Variants in ZMYND8 observed in about 807,000 individuals in gnomAD.
The protein encoded by ZMYND8 is MYND-type zinc finger-containing chromatin reader ZMYND8.
In ZMYND8, 37 loss-of-function variants were observed where a neutral mutation model predicts 140.8. The observed-to-expected ratio is 0.26, with a 90% CI of 0.20 to 0.35. The LOEUF is 0.35. Ranked by LOEUF, ZMYND8 falls within the 10% of genes least tolerant of loss-of-function variation. The pLI, the probability that ZMYND8 is intolerant of heterozygous loss-of-function variation, is 1.00. For missense variants in ZMYND8, 1,068 were observed against 1,570.0 expected, an observed-to-expected ratio of 0.68 and a Z score of 5.40; for synonymous variants, 592 against 597.1, an observed-to-expected ratio of 0.99 and a Z score of 0.12.
At chr20:47,354,838 C>G in intron 1 of ZMYND8, among the ~76,000 whole-genome samples, 1 of 152,094 alleles carries the variant, frequency 6.6e-6, no homozygotes, top group East Asian at 1.9e-4. Flanking sequence ...CTAGCTGCAG[C>G]CTTAAGTGGT....
intron 10 of ZMYND8, 81 bp downstream of exon 10, chr20:47,282,021 G>A (rs1011137864): frequency 1.8e-6 from 2 of 1,106,730 alleles, no homozygotes; most frequent in Non-Finnish European, 2.6e-6. Flanking sequence ...AATAGCTGCA[G>A]CCTCCACTTC....
chr20:47,345,375 G>A (rs2082251411), intron 2 of ZMYND8, among the ~76,000 whole-genome samples: 1 of 152,076 alleles, frequency 6.6e-6, no homozygotes, highest in Non-Finnish European at 1.5e-5. Context: ...AAGGTGAACA[G>A]AACATCACAA....
chr20:47,291,505 A>G (rs2077263575), intron 6 of ZMYND8, among the ~76,000 whole-genome samples: 1 of 152,210 alleles, frequency 6.6e-6, no homozygotes, highest in Non-Finnish European at 1.5e-5. Flanking sequence ...GCTCAAGTCA[A>G]TCAAATCACT....
At chr20:47,318,893 C>G (rs1455474199) in intron 2 of ZMYND8, 1 of 1,271,294 alleles carries the variant, frequency 7.9e-7, no homozygotes, top group African/African-American at 1.5e-5. Context: ...CCAGGAACAT[C>G]AAGTACCTCG....
At chr20:47,224,269 G>T (rs373439683) in intron 19 of ZMYND8, 48 bp downstream of exon 19, 23 of 1,608,578 alleles carry the variant, frequency 1.4e-5, no homozygotes, top group Admixed American at 3.3e-5. Context: ...GGAGACCAAT[G>T]CCAAGCCACT....
intron 11 of ZMYND8, among the ~76,000 whole-genome samples, chr20:47,270,395 T>TG (rs1383849098): frequency 6.9e-6 from 1 of 145,904 alleles, no homozygotes; most frequent in Non-Finnish European, 1.5e-5. Context: ...AAAAAAAAGT[T>TG]TTTTTAATGT....
chr20:47,349,591 T>C (rs1569257746), intron 1 of ZMYND8, among the ~76,000 whole-genome samples: 1 of 152,184 alleles, frequency 6.6e-6, no homozygotes, highest in Non-Finnish European at 1.5e-5. Flanking sequence ...GGTTCTGGCT[T>C]GGGGTGACTG....
intron 2 of ZMYND8, among the ~76,000 whole-genome samples, chr20:47,317,321 A>T (rs577035320): frequency 8.5e-4 from 130 of 152,268 alleles, no homozygotes; most frequent in African/African-American, 2.9e-3. Context: ...TGGGGGCTCC[A>T]GGGCCAACTC....
chr20:47,284,990 A>G (rs1312048140), intron 8 of ZMYND8, among the ~76,000 whole-genome samples: 1 of 152,230 alleles, frequency 6.6e-6, no homozygotes, highest in Non-Finnish European at 1.5e-5. Context: ...AGAGTAATCA[A>G]TATTGCCCAT....
rs768827440 is a variant in ZMYND8, at chr20:47,339,224, G to A, written c.85+8632C>T. ...CCTGACCTTGTGATCCGCCCGCCTC[G>A]GCCTCCCAAAGTGCTGGGATTACAG... is the stretch of plus-strand genomic sequence containing the variant. On this transcript the variant is annotated intron_variant, in intron 2 of 22. Coordinates refer to ENST00000471951, the MANE Select transcript of ZMYND8 (RefSeq NM_001281775.3). Among the ~76,000 whole-genome samples the A allele has an allele frequency of 5.9e-5, 9 of 151,686 alleles. No individual in the cohort carries two copies. In the East Asian group the frequency reaches 9.8e-4, roughly 16 times the overall value.
Position 47,240,952 on chromosome 20 carries a change from G to T in ZMYND8, c.2285-1814C>A, listed in dbSNP as rs916336499. Among the ~76,000 whole-genome samples, 5 of 152,130 alleles carry T rather than the reference G, an allele frequency of 3.3e-5. No homozygotes were observed. The Middle Eastern group carries it at 9.5e-3, about 289-fold the overall frequency. The stretch of plus-strand genomic sequence containing the variant: ...CCTCCCGAATAGCTGGGACTACACG[G>T]GACGTGCTACTGTGTCCCGCTTTAA... On this transcript the variant is annotated intron_variant, in intron 14 of 22. Coordinates refer to ENST00000471951, the MANE Select transcript of ZMYND8 (RefSeq NM_001281775.3).
At chr20:47,255,273 G>A (rs2074506902) in intron 12 of ZMYND8, among the ~76,000 whole-genome samples, 1 of 152,108 alleles carries the variant, frequency 6.6e-6, no homozygotes, top group Non-Finnish European at 1.5e-5. Context: ...GGGGTATAGA[G>A]ACAGGTGGTT....
intron 1 of ZMYND8, chr20:47,356,433 G>A (rs1290475515): frequency 6.5e-7 from 1 of 1,540,722 alleles, no homozygotes; most frequent in Non-Finnish European, 8.7e-7. Flanking sequence ...GGAAGGAAAG[G>A]TGTGCCAGGC....
At chr20:47,327,850 C>T (rs768436965) in intron 2 of ZMYND8, among the ~76,000 whole-genome samples, 6 of 152,084 alleles carry the variant, frequency 3.9e-5, no homozygotes, top group South Asian at 2.1e-4. Flanking sequence ...GGTCTTGCTC[C>T]GTCGCCCAGC....
chr20:47,224,687 G>A (rs973427965), intron 18 of ZMYND8, 131 bp from the exon 19 acceptor site: 3 of 1,489,892 alleles, frequency 2.0e-6, no homozygotes, highest in African/African-American at 1.4e-5. Flanking sequence ...GTGTGCCCAT[G>A]GGCAATAACC....
At chr20:47,330,574 G>A (rs1004887235) in intron 2 of ZMYND8, among the ~76,000 whole-genome samples, 4 of 151,952 alleles carry the variant, frequency 2.6e-5, no homozygotes, top group African/African-American at 7.3e-5. Context: ...TTTAGAAGGC[G>A]CCCATTAGAA....
intron 12 of ZMYND8, among the ~76,000 whole-genome samples, chr20:47,260,198 C>G (rs1271096809): frequency 6.6e-6 from 1 of 152,158 alleles, no homozygotes; most frequent in Non-Finnish European, 1.5e-5. Flanking sequence ...GTGTGACAAC[C>G]AAAAATGTCT....
intron 3 of ZMYND8, among the ~76,000 whole-genome samples, chr20:47,302,938 T>C (rs1400120757): frequency 1.3e-5 from 2 of 152,238 alleles, no homozygotes; most frequent in East Asian, 3.9e-4. Flanking sequence ...GAAAAGTATT[T>C]GTTGTGGGAG....
intron 22 of ZMYND8, among the ~76,000 whole-genome samples, chr20:47,212,303 C>T (rs2035389008): frequency 6.6e-6 from 1 of 152,200 alleles, no homozygotes; most frequent in African/African-American, 2.4e-5. Flanking sequence ...GAGGGATCTG[C>T]AGGCCCTCAC....
Sources: allele counts gnomAD v4.1 joint callset (sites outside exome capture counted in the v4.1 genomes callset), GRCh38; gene constraint gnomAD v4.1.1; transcripts MANE v1.5; gene names NCBI Gene and HGNC (gene_info 2026-07-23, HGNC 2026-07-21).